Variants in GRIK2 observed in about 807,000 individuals in gnomAD.
The protein encoded by GRIK2 is glutamate ionotropic receptor kainate type subunit 2, also known as glutamate receptor ionotropic, kainate 2.
A neutral mutation model predicts 100.3 loss-of-function variants in GRIK2; 32 were observed. That is an observed-to-expected ratio of 0.32 (90% CI 0.24 to 0.43). The LOEUF is 0.43. GRIK2 is among the 20% of genes least tolerant of loss of function. GRIK2 has a pLI of 1.00. For missense variants in GRIK2, 843 were observed against 1,114.9 expected, an observed-to-expected ratio of 0.76 and a Z score of 3.47; for synonymous variants, 417 against 389.4, an observed-to-expected ratio of 1.07 and a Z score of -0.83.
At chr6:101,964,809 G>A (rs1169631509) in intron 14 of GRIK2, among the ~76,000 whole-genome samples, 2 of 152,144 alleles carry the variant, frequency 1.3e-5, no homozygotes, top group East Asian at 3.9e-4. Context: ...CCTAGGCAGG[G>A]AGAACACAAT....
chr6:101,781,314 G>T (rs1482533346), intron 7 of GRIK2, among the ~76,000 whole-genome samples: 1 of 152,040 alleles, frequency 6.6e-6, no homozygotes, highest in Admixed American at 6.6e-5. Context: ...CTGGAAATGT[G>T]GGTTCCTAAC....
chr6:101,985,950 T>C (rs1793994445), intron 14 of GRIK2, among the ~76,000 whole-genome samples: 1 of 151,776 alleles, frequency 6.6e-6, no homozygotes, highest in African/African-American at 2.4e-5. Context: ...TAATGTAATA[T>C]ATTGTAAAAC....
At chr6:101,395,486 G>T (rs1040014326) in intron 1 of GRIK2, among the ~76,000 whole-genome samples, 4 of 152,160 alleles carry the variant, frequency 2.6e-5, no homozygotes, top group African/African-American at 9.6e-5. Context: ...TATAGGCATT[G>T]TCTTTTTAAA....
intron 7 of GRIK2, chr6:101,744,558 A>ATATATCTATCTATC (rs751011648): frequency 8.3e-4 from 95 of 114,994 alleles, no homozygotes; most frequent in African/African-American, 3.4e-3. Context: ...ATATATATAT[A>ATATATCTATCTATC]TCACAATTTC....
At chr6:101,656,545 T>G (rs1387500877) in intron 4 of GRIK2, among the ~76,000 whole-genome samples, 2 of 152,140 alleles carry the variant, frequency 1.3e-5, no homozygotes, top group Non-Finnish European at 2.9e-5. Flanking sequence ...TACCACAAAT[T>G]TAGTAGCCAT....
chr6:101,563,205 A>C (rs1777106484), intron 2 of GRIK2, among the ~76,000 whole-genome samples: 1 of 152,220 alleles, frequency 6.6e-6, no homozygotes, highest in South Asian at 2.1e-4. Context: ...AGGATAAGAC[A>C]GTGAACCATC....
intron 7 of GRIK2, among the ~76,000 whole-genome samples, chr6:101,749,685 A>C (rs1246716082): frequency 1.3e-5 from 2 of 152,128 alleles, no homozygotes; most frequent in Non-Finnish European, 2.9e-5. Flanking sequence ...GTAAATAAGC[A>C]AGACTCCTAA....
At chr6:101,709,042 T>C (rs1773527135) in intron 7 of GRIK2, among the ~76,000 whole-genome samples, 1 of 151,760 alleles carries the variant, frequency 6.6e-6, no homozygotes, top group African/African-American at 2.4e-5. Context: ...AATTTAAAAA[T>C]AAATATTAAC....
intron 9 of GRIK2, among the ~76,000 whole-genome samples, chr6:101,805,694 A>G (rs1051679870): frequency 6.6e-6 from 1 of 152,070 alleles, no homozygotes; most frequent in Non-Finnish European, 1.5e-5. Flanking sequence ...TAGACTCATT[A>G]GACTTATAAA....
chr6:101,597,767 G>T (rs1211949684), intron 2 of GRIK2, among the ~76,000 whole-genome samples: 3 of 151,714 alleles, frequency 2.0e-5, no homozygotes. Context: ...AAGCAAGGAC[G>T]TTCTCTGTTT....
chr6:101,771,851 A>AAGGACATG (rs1337000284), intron 7 of GRIK2, among the ~76,000 whole-genome samples: 1 of 151,806 alleles, frequency 6.6e-6, no homozygotes, highest in Admixed American at 6.6e-5. Flanking sequence ...TGTCCCTACA[A>AAGGACATG]AGGACATGAA....
At chr6:101,754,994 G>A (rs1215789449) in intron 7 of GRIK2, among the ~76,000 whole-genome samples, 3 of 152,094 alleles carry the variant, frequency 2.0e-5, no homozygotes, top group Non-Finnish European at 4.4e-5. Context: ...AGGCACTCTT[G>A]AAGCCTTTTA....
At chr6:101,970,688 A>T (rs1792990671) in intron 14 of GRIK2, among the ~76,000 whole-genome samples, 5 of 144,240 alleles carry the variant, frequency 3.5e-5, no homozygotes, top group African/African-American at 1.5e-4. Flanking sequence ...CCCCATCCCA[A>T]TATTTACAGA....
At chr6:101,485,277 C>T (rs1772759574) in intron 2 of GRIK2, among the ~76,000 whole-genome samples, 1 of 152,122 alleles carries the variant, frequency 6.6e-6, no homozygotes, top group Admixed American at 6.6e-5. Flanking sequence ...TTATTTTCCT[C>T]ACATGAAGCA....
At chr6:102,040,562 C>A (rs1046162404) in intron 15 of GRIK2, among the ~76,000 whole-genome samples, 1 of 151,498 alleles carries the variant, frequency 6.6e-6, no homozygotes, top group Non-Finnish European at 1.5e-5. Context: ...GCTTAAGATT[C>A]ACTCTTTATT....
intron 15 of GRIK2, among the ~76,000 whole-genome samples, chr6:102,054,900 T>G (rs573171548): frequency 7.2e-5 from 11 of 152,302 alleles, no homozygotes; most frequent in Admixed American, 2.0e-4. Context: ...AATTACTGCA[T>G]TTAATCTTTG....
chr6:101,463,769 A>C (rs1771468408), intron 2 of GRIK2, among the ~76,000 whole-genome samples: 1 of 152,062 alleles, frequency 6.6e-6, no homozygotes, highest in Admixed American at 6.6e-5. Context: ...AGACTCCAAC[A>C]TGCATGGAAA....
chr6:101,616,940 G>A (rs1177169132), intron 2 of GRIK2, among the ~76,000 whole-genome samples: 3 of 151,296 alleles, frequency 2.0e-5, no homozygotes, highest in African/African-American at 4.8e-5. Flanking sequence ...CTGGAGTTGT[G>A]TTTTCAGTAG....
chr6:101,669,272 A>C (rs1032279974), intron 4 of GRIK2, among the ~76,000 whole-genome samples: 1 of 152,168 alleles, frequency 6.6e-6, no homozygotes, highest in African/African-American at 2.4e-5. Context: ...ATAGGCACCA[A>C]ATTTGTTAGT....
Sources: gnomAD v4.1 joint callset for allele counts (sites outside exome capture counted in the v4.1 genomes callset) on GRCh38, gnomAD v4.1.1 for gene constraint, MANE v1.5 for transcripts, NCBI Gene and HGNC (gene_info 2026-07-23, HGNC 2026-07-21) for gene names.